Variants in PRKACA observed in about 807,000 individuals in gnomAD.
PRKACA encodes cAMP-dependent protein kinase catalytic subunit alpha.
A neutral mutation model predicts 45.8 loss-of-function variants in PRKACA; 9 were observed. The observed-to-expected ratio is 0.20, with a 90% CI of 0.12 to 0.34. The LOEUF is 0.34. Among genes scored for constraint, PRKACA ranks in the 10% least tolerant of loss-of-function variants. The pLI, the probability that PRKACA is intolerant of heterozygous loss-of-function variation, is 1.00. For synonymous variants in PRKACA, 160 were observed against 178.6 expected, an observed-to-expected ratio of 0.90 and a Z score of 0.83; for missense variants, 238 against 458.6, an observed-to-expected ratio of 0.52 and a Z score of 4.39.
At chr19:14,109,662 G>A (rs1231500594) in intron 1 of PRKACA, among the ~76,000 whole-genome samples, 1 of 150,612 alleles carries the variant, frequency 6.6e-6, no homozygotes, top group Non-Finnish European at 1.5e-5. Flanking sequence ...GAGCGATCGG[G>A]CATGGTGGCT....
At chr19:14,116,117 C>G (rs1264220998) in intron 1 of PRKACA, among the ~76,000 whole-genome samples, 3 of 152,192 alleles carry the variant, frequency 2.0e-5, no homozygotes, top group Non-Finnish European at 4.4e-5. Flanking sequence ...AACTCAGATG[C>G]TGGGGTTTGA....
At chr19:14,107,630 A>G in intron 1 of PRKACA, 1 of 1,350,204 alleles carries the variant, frequency 7.4e-7, no homozygotes, top group Non-Finnish European at 9.7e-7. Context: ...TGGGGTACAG[A>G]GAGTCTCAGG....
intron 1 of PRKACA, among the ~76,000 whole-genome samples, chr19:14,113,401 C>T (rs1362799633): frequency 6.6e-6 from 1 of 152,178 alleles, no homozygotes; most frequent in African/African-American, 2.4e-5. Context: ...ACATCTCCCA[C>T]ACGGGGGGTG....
chr19:14,107,063 G>A (rs747277726), intron 2 of PRKACA, among the ~76,000 whole-genome samples, 175 bp from the exon 3 acceptor site: 54 of 152,216 alleles, frequency 3.5e-4, no homozygotes, highest in Non-Finnish European at 5.9e-4. Context: ...TCCTTAAGGC[G>A]GGTGGCAGGG....
chr19:14,114,062 C>A lies in PRKACA; in HGVS notation c.46+3440G>T. 2.6e-6 allele frequency: 4 copies of A among 1,529,842 alleles called. No individual in the cohort carries two copies. The South Asian group carries it at 4.7e-5, about 18-fold the overall frequency. 94.8% of individuals were successfully genotyped at this position (1,529,842 alleles called of 1,614,324 possible). On this transcript the variant is annotated intron_variant, in intron 1 of 9. Transcript: ENST00000308677. ...CTCTTCGCCTGTGCCCCAGACCCCG[C>A]TGCAGCCCCTCCCTGACTTAAGGGG...
intron 8 of PRKACA, among the ~76,000 whole-genome samples, chr19:14,094,010 A>T (rs1001814393): frequency 6.6e-6 from 1 of 152,028 alleles, no homozygotes; most frequent in East Asian, 1.9e-4. Context: ...TAAAAACTTT[A>T]AAAATTCAAG....
At chr19:14,115,156 T>C (rs550964231) in intron 1 of PRKACA, 12 of 970,204 alleles carry the variant, frequency 1.2e-5, no homozygotes, top group Middle Eastern at 5.3e-4. Context: ...ACGTGTGACA[T>C]AGTCCCATTG....
chr19:14,094,829 C>T (rs1227880862), intron 8 of PRKACA, among the ~76,000 whole-genome samples: 2 of 152,244 alleles, frequency 1.3e-5, no homozygotes, highest in Non-Finnish European at 2.9e-5. Flanking sequence ...TTCTTTAAAG[C>T]CCAGCTCAAC....
At position 14,107,910 on chromosome 19, in the gene PRKACA, T is replaced by C. The variant is rs1382732129; in HGVS notation, c.47-501A>G. ...CCTCTCCGTGGCAATCGCAAGGGCA[T>C]TGCTCCAGAGCTGGTTCAAGGGAAG... On this transcript the variant is annotated intron_variant, in intron 1 of 9. Transcript: ENST00000308677. The C allele has an allele frequency of 3.0e-6, 3 of 989,724 alleles. No individual in the cohort carries two copies. In the East Asian group the frequency reaches 3.4e-4, roughly 111 times the overall value. 61.3% of individuals were successfully genotyped at this position (989,724 alleles called of 1,614,324 possible).
chr19:14,112,966 G>A (rs1338239443), intron 1 of PRKACA, among the ~76,000 whole-genome samples: 2 of 152,200 alleles, frequency 1.3e-5, no homozygotes, highest in African/African-American at 4.8e-5. Flanking sequence ...AAAGGCTTGG[G>A]GCGGGGGGCG....
intron 3 of PRKACA, among the ~76,000 whole-genome samples, chr19:14,104,336 CAA>C (rs769115807): frequency 6.2e-5 from 3 of 48,214 alleles, no homozygotes; most frequent in Admixed American, 2.3e-4. Context: ...GACTCCGTCT[CAA>C]AAAAAAAAAA....
chr19:14,115,573 A>G (rs139353723), intron 1 of PRKACA, among the ~76,000 whole-genome samples: 2 of 152,294 alleles, frequency 1.3e-5, no homozygotes, highest in Non-Finnish European at 2.9e-5. Context: ...CTGGCCATTT[A>G]GCCTGTGGCA....
rs776900902 is a variant in PRKACA at position 14,097,726 on chromosome 19, C to T, written c.546+38G>A. The T allele has an allele frequency of 6.2e-7, 1 of 1,613,660 alleles. No homozygotes were observed. Among genetic ancestry groups the T allele is most frequent in the African/African-American group, 1.3e-5 (1 of 74,904 alleles). Reference sequence around the variant, plus strand: ...CAGGGAGGAAGGGTCCAGGCCACGGCTTCCCCAGGGCTGCCCCTCGCCCGG... The same window carrying T: ...CAGGGAGGAAGGGTCCAGGCCACGGTTTCCCCAGGGCTGCCCCTCGCCCGG... On this transcript the variant is annotated intron_variant, in intron 6 of 9. Coordinates refer to ENST00000308677, the MANE Select transcript of PRKACA (RefSeq NM_002730.4). This position sits in a 1 kb window ranked among gnomAD's most constrained non-coding sequence, Gnocchi z 5.4.
At chr19:14,101,206 A>G (rs994462650) in intron 4 of PRKACA, 1 of 336,896 alleles carries the variant, frequency 3.0e-6, no homozygotes, top group Non-Finnish European at 5.7e-6. Flanking sequence ...TCATCTGTAA[A>G]ATGGGATCAT....
chr19:14,096,164 A>C (rs1977251262), intron 8 of PRKACA, among the ~76,000 whole-genome samples: 1 of 142,812 alleles, frequency 7.0e-6, no homozygotes, highest in South Asian at 2.2e-4. Context: ...TCAGCCTCCC[A>C]AGTAGCTGGG....
intron 8 of PRKACA, chr19:14,096,768 T>G (rs1423676645): frequency 1.1e-5 from 2 of 174,962 alleles, no homozygotes; most frequent in Middle Eastern, 2.8e-3. Context: ...CCAGCCTGTT[T>G]CCTCACCTCT....
intron 1 of PRKACA, among the ~76,000 whole-genome samples, chr19:14,114,697 C>T (rs1967071647): frequency 1.3e-5 from 2 of 152,162 alleles, no homozygotes; most frequent in Admixed American, 6.5e-5. Flanking sequence ...CTCCATTCTT[C>T]CAACTTGGCC....
chr19:14,094,026 GTTATT>G (rs1391543519), intron 8 of PRKACA, among the ~76,000 whole-genome samples: 9 of 152,094 alleles, frequency 5.9e-5, no homozygotes, highest in African/African-American at 2.2e-4. Context: ...TCAAGAGTTA[GTTATT>G]TTAAGAAGTT....
In PRKACA at chr19:14,093,622, G is replaced by C. The variant is rs752146072; in HGVS notation, c.930+6C>G. 6.2e-7 allele frequency: 1 copy of C among 1,611,704 alleles called. No homozygotes were observed. The highest frequency in any genetic ancestry group is 8.5e-7 in the Non-Finnish European group (1 of 1,178,616). Reference sequence around the variant, plus strand: ...CCCTCAGCAGGCTTAAGGAGGGGAGGCCCACCTTCCTCTGGTAGATGGCAA... The same window carrying C: ...CCCTCAGCAGGCTTAAGGAGGGGAGCCCCACCTTCCTCTGGTAGATGGCAA... On this transcript the variant is annotated splice_donor_region_variant and intron_variant, in intron 9 of 9. Transcript: ENST00000308677.
Sources: gnomAD v4.1 joint callset for allele counts (sites outside exome capture counted in the v4.1 genomes callset) on GRCh38, gnomAD v4.1.1 for gene constraint, Gnocchi (gnomAD v3.1) non-coding constraint, MANE v1.5 for transcripts, NCBI Gene and HGNC (gene_info 2026-07-23, HGNC 2026-07-21) for gene names.